Variants in ZNF423 observed in about 807,000 individuals in gnomAD.
ZNF423 encodes zinc finger protein 423.
A neutral mutation model predicts 95.8 loss-of-function variants in ZNF423; 12 were observed. That is an observed-to-expected ratio of 0.13 (90% CI 0.08 to 0.20). ZNF423 has a LOEUF of 0.20. Among genes scored for constraint, ZNF423 ranks in the 10% least tolerant of loss-of-function variants. ZNF423 has a pLI of 1.00. For synonymous variants in ZNF423, 749 were observed against 711.9 expected (o/e 1.05, Z -0.83); for missense variants, 1,316 against 1,737.1 (o/e 0.76, Z 4.31).
At chr16:49,576,385 G>T (rs1452300153) in intron 5 of ZNF423, among the ~76,000 whole-genome samples, 2 of 152,210 alleles carry the variant, frequency 1.3e-5, no homozygotes, top group Non-Finnish European at 2.9e-5. Context: ...AAGAGCAGTA[G>T]CTGGGCTGGG....
chr16:49,824,354 A>G (rs1451986918), intron 1 of ZNF423, among the ~76,000 whole-genome samples: 2 of 152,262 alleles, frequency 1.3e-5, no homozygotes, highest in East Asian at 1.9e-4. Flanking sequence ...GTACAGGCCC[A>G]TGGTTCCTCA....
At chr16:49,805,341 G>A (rs958786525) in intron 1 of ZNF423, among the ~76,000 whole-genome samples, 18 of 152,162 alleles carry the variant, frequency 1.2e-4, no homozygotes, top group Non-Finnish European at 1.9e-4. Flanking sequence ...CTCTTCACAC[G>A]TTACCACGTT....
chr16:49,787,314 C>T (rs1317475621), intron 2 of ZNF423, among the ~76,000 whole-genome samples: 4 of 152,110 alleles, frequency 2.6e-5, no homozygotes, highest in African/African-American at 9.7e-5. Context: ...GAAAAAACAC[C>T]AGCAAAAATG....
chr16:49,853,869 T>C (rs542145717), intron 1 of ZNF423: 2 of 985,368 alleles, frequency 2.0e-6, no homozygotes, highest in Non-Finnish European at 2.4e-6. Flanking sequence ...GAGAAGTGGA[T>C]TGGAAGTCTA....
intron 5 of ZNF423, among the ~76,000 whole-genome samples, chr16:49,608,321 G>A (rs1249511169): frequency 1.3e-5 from 2 of 152,208 alleles, no homozygotes; most frequent in Non-Finnish European, 2.9e-5. Flanking sequence ...GGAGGGGGAA[G>A]GAGGAGGGGC....
intron 2 of ZNF423, among the ~76,000 whole-genome samples, chr16:49,783,329 G>A (rs986755785): frequency 6.7e-6 from 1 of 149,406 alleles, no homozygotes; most frequent in Non-Finnish European, 1.5e-5. Flanking sequence ...GAAAGAGGGG[G>A]ATTAGGGTTA....
At chr16:49,766,744 C>A (rs1861333) in intron 2 of ZNF423, among the ~76,000 whole-genome samples, 2 of 152,074 alleles carry the variant, frequency 1.3e-5, no homozygotes, top group Admixed American at 6.5e-5. Flanking sequence ...CAGTGCAGAC[C>A]GAGCCTCGGT....
intron 1 of ZNF423, among the ~76,000 whole-genome samples, chr16:49,839,578 G>C (rs1054797690): frequency 6.6e-6 from 1 of 152,206 alleles, no homozygotes; most frequent in Non-Finnish European, 1.5e-5. Context: ...GGAGGAGCGG[G>C]ACATGACACT....
chr16:49,730,677 T>C, intron 3 of ZNF423, 94 bp downstream of exon 3: 1 of 1,311,254 alleles, frequency 7.6e-7, no homozygotes, highest in East Asian at 2.4e-5. Flanking sequence ...AATTACATTA[T>C]TAATTCTTTA....
chr16:49,628,306 A>AC (rs747875811), intron 4 of ZNF423, among the ~76,000 whole-genome samples: 5 of 148,104 alleles, frequency 3.4e-5, no homozygotes, highest in Non-Finnish European at 6.0e-5. Flanking sequence ...ATACCCATCT[A>AC]CCCATTCATC....
intron 3 of ZNF423, among the ~76,000 whole-genome samples, chr16:49,643,112 C>A (rs912168267): frequency 6.6e-6 from 1 of 152,110 alleles, no homozygotes; most frequent in Non-Finnish European, 1.5e-5. Context: ...TGAGTCACTG[C>A]GCCTGGCCCA....
chr16:49,708,747 A>T (rs565143416), intron 3 of ZNF423, among the ~76,000 whole-genome samples: 1 of 152,208 alleles, frequency 6.6e-6, no homozygotes, highest in African/African-American at 2.4e-5. Context: ...GGAGGCTGTC[A>T]TTTTCCCACT....
chr16:49,674,422 T>C (rs1248119593), intron 3 of ZNF423, among the ~76,000 whole-genome samples: 1 of 152,088 alleles, frequency 6.6e-6, no homozygotes, highest in East Asian at 1.9e-4. Flanking sequence ...CTGCAGCCGA[T>C]GTGTACACGG....
At chr16:49,837,360 C>G (rs528492276) in intron 1 of ZNF423, among the ~76,000 whole-genome samples, 17 of 152,294 alleles carry the variant, frequency 1.1e-4, no homozygotes, top group Admixed American at 3.3e-4. Context: ...AGGGACAACC[C>G]CTCCCCAGAC....
chr16:49,698,308 G>A (rs1328932659), intron 3 of ZNF423, among the ~76,000 whole-genome samples: 2 of 151,882 alleles, frequency 1.3e-5, no homozygotes, highest in Admixed American at 1.3e-4. Context: ...TGTGCAGCCT[G>A]CTCACGGGGC....
At position 49,788,515 on chromosome 16, in the gene ZNF423, C is replaced by T. The variant is rs144358606; in HGVS notation, c.100+972G>A. ...TGTTTATATACCTGATGCCTAACCGCGTTTCTGAAATACTGACCCAGAGCA... is the reference window on the plus strand; with the variant it reads ...TGTTTATATACCTGATGCCTAACCGTGTTTCTGAAATACTGACCCAGAGCA... On this transcript the variant is annotated intron_variant, in intron 2 of 7. Transcript: ENST00000563137. Among the ~76,000 whole-genome samples the T allele has an allele frequency of 9.0e-3, 1,375 of 152,316 alleles. 7 individuals carry two copies. The highest frequency in any genetic ancestry group is 0.012 in the Non-Finnish European group (821 of 68,028).
At chr16:49,584,816 A>G (rs1970774174) in intron 5 of ZNF423, among the ~76,000 whole-genome samples, 1 of 152,186 alleles carries the variant, frequency 6.6e-6, no homozygotes, top group Non-Finnish European at 1.5e-5. Flanking sequence ...ATGTAACAAT[A>G]TGTAATTTAT....
intron 3 of ZNF423, among the ~76,000 whole-genome samples, chr16:49,691,089 G>A (rs2031762414): frequency 1.3e-5 from 2 of 152,256 alleles, no homozygotes; most frequent in African/African-American, 4.8e-5. Flanking sequence ...GCCCTTAGTG[G>A]GGAAGAATCA....
At chr16:49,527,796 T>C (rs1259579219) in intron 5 of ZNF423, among the ~76,000 whole-genome samples, 1 of 151,922 alleles carries the variant, frequency 6.6e-6, no homozygotes, top group Non-Finnish European at 1.5e-5. Context: ...TACAAAACCT[T>C]TCCTATATGC....
Sources: allele counts gnomAD v4.1 joint callset (sites outside exome capture counted in the v4.1 genomes callset), GRCh38; gene constraint gnomAD v4.1.1; transcripts MANE v1.5; gene names NCBI Gene and HGNC (gene_info 2026-07-23, HGNC 2026-07-21).